CSMD1: variants seen among roughly 807,000 people sequenced by gnomAD.
CSMD1 encodes the protein CUB and Sushi multiple domains 1.
Under a neutral mutation model 417.5 loss-of-function variants are expected in CSMD1, and 213 were observed. The ratio of observed to expected loss-of-function variants is 0.51; its 90% confidence interval spans 0.46 to 0.57. The LOEUF (loss-of-function observed/expected upper bound fraction) is 0.57, where lower values mean the gene tolerates loss of function less well. Ranked by LOEUF, CSMD1 falls within the 20% of genes least tolerant of loss-of-function variation. CSMD1 has a pLI of 0.00. For synonymous variants in CSMD1, 2,862 were observed against 1,736.8 expected, an observed-to-expected ratio of 1.65 and a Z score of -16.11; for missense variants, 6,923 against 4,529.7, an observed-to-expected ratio of 1.53 and a Z score of -15.17.
chr8:4,625,030 C>T (rs373171357), intron 2 of CSMD1, among the ~76,000 whole-genome samples: 6 of 152,224 alleles, frequency 3.9e-5, no homozygotes, highest in South Asian at 4.1e-4. Context: ...CCATAGAGAT[C>T]ATGAGAAACC....
At chr8:4,150,703 G>T (rs771831412) in intron 3 of CSMD1, among the ~76,000 whole-genome samples, 7 of 152,108 alleles carry the variant, frequency 4.6e-5, no homozygotes, top group Non-Finnish European at 1.0e-4. Context: ...AGAACCTTAG[G>T]GTGTGGAAAG....
chr8:4,197,607 G>A (rs1171640137), intron 3 of CSMD1, among the ~76,000 whole-genome samples: 2 of 152,180 alleles, frequency 1.3e-5, no homozygotes, highest in Non-Finnish European at 2.9e-5. Context: ...AGCTGGACAT[G>A]GTGGCTCATG....
chr8:3,783,917 T>TAC (rs1287324276), intron 5 of CSMD1, among the ~76,000 whole-genome samples: 2 of 684 alleles, frequency 2.9e-3, no homozygotes, highest in East Asian at 0.1. Flanking sequence ...GGAGCTGGGC[T>TAC]GCAGTTTGAA....
In CSMD1 at chr8:4,234,640, T is replaced by C. The variant is rs566318803; in HGVS notation, c.415+185313A>G. Among the ~76,000 whole-genome samples, 284 of 152,292 alleles carry C rather than the reference T, an allele frequency of 1.9e-3. 2 individuals are homozygous for C. Among genetic ancestry groups the C allele is most frequent in the African/African-American group, 6.5e-3 (269 of 41,560 alleles). On this transcript the variant is annotated intron_variant, in intron 3 of 69. Transcript: ENST00000635120. ...CCATTTTATTCTAGGACATGGAAGA[T>C]TGCACCTGACGAATAGATGGCAGGT...
chr8:4,176,962 C>G lies in CSMD1; in HGVS notation c.416-144863G>C, dbSNP rs1392238362. Among the ~76,000 whole-genome samples the G allele has an allele frequency of 2.0e-5, 3 of 151,732 alleles. No individual in the cohort carries two copies. The East Asian group carries it at 5.8e-4, about 29-fold the overall frequency. Reference sequence around the variant, plus strand: ...TCAGTGACCTACAAAGAGACTTAGACTCCCACACAATAAAAATGGGAGACT... The same window carrying G: ...TCAGTGACCTACAAAGAGACTTAGAGTCCCACACAATAAAAATGGGAGACT... On this transcript the variant is annotated intron_variant, in intron 3 of 69. Transcript: ENST00000635120.
At chr8:4,634,342 T>C (rs1363825869) in intron 2 of CSMD1, among the ~76,000 whole-genome samples, 1 of 152,226 alleles carries the variant, frequency 6.6e-6, no homozygotes, top group African/African-American at 2.4e-5. Context: ...TATTCTGTTT[T>C]GTCAGCTGGG....
At chr8:4,039,563 G>A (rs1008875280) in intron 3 of CSMD1, among the ~76,000 whole-genome samples, 23 of 152,150 alleles carry the variant, frequency 1.5e-4, no homozygotes, top group African/African-American at 5.6e-4. Flanking sequence ...CCCAGGAGGT[G>A]GCAGTCATTG....
In CSMD1 at chr8:2,981,356, T is replaced by G. The variant is rs531573938; in HGVS notation, c.8378-2556A>C. Among the ~76,000 whole-genome samples the G allele has an allele frequency of 1.6e-4, 25 of 152,312 alleles. 1 individual carries two copies. Among genetic ancestry groups the G allele is most frequent in the Admixed American group, 1.6e-3 (25 of 15,304 alleles). On this transcript the variant is annotated intron_variant, in intron 54 of 69. Coordinates refer to ENST00000635120, the MANE Select transcript of CSMD1 (RefSeq NM_033225.6). The stretch of plus-strand genomic sequence containing the variant: ...GTGAGTGACAGGTGAGCTATTGGTT[T>G]GTAAACTAGAAGGAGAAATGGCCAG...
chr8:4,899,176 A>G (rs1804700005), intron 1 of CSMD1, among the ~76,000 whole-genome samples: 1 of 152,232 alleles, frequency 6.6e-6, no homozygotes, highest in South Asian at 2.1e-4. Flanking sequence ...AACTGCATTT[A>G]TATGTGTGGG....
In CSMD1 at chr8:3,079,291, T is replaced by C. The variant is rs189662761; in HGVS notation, c.7474+7806A>G. ...TTTACAATCTGGCTGACATAATGCC[T>C]ACAACCTATATAAAAGTGTGTGTCT... On this transcript the variant is annotated intron_variant, in intron 49 of 69. Coordinates refer to ENST00000635120, the MANE Select transcript of CSMD1 (RefSeq NM_033225.6). Among the ~76,000 whole-genome samples, 3 of 152,330 alleles carry C rather than the reference T, an allele frequency of 2.0e-5. No homozygotes were observed. In the South Asian group the frequency reaches 6.2e-4, roughly 32 times the overall value.
chr8:4,246,912 A>C (rs894488124), intron 3 of CSMD1, among the ~76,000 whole-genome samples: 2 of 152,218 alleles, frequency 1.3e-5, no homozygotes, highest in Non-Finnish European at 2.9e-5. Context: ...ATGTTTCTTC[A>C]AAAAATCTTT....
At chr8:4,741,509 A>T (rs1810603185) in intron 1 of CSMD1, among the ~76,000 whole-genome samples, 1 of 152,228 alleles carries the variant, frequency 6.6e-6, no homozygotes, top group Non-Finnish European at 1.5e-5. Context: ...ATCCGTAAGC[A>T]TGATCAAAAC....
rs79983539 is a variant in CSMD1 at position 3,446,934 on chromosome 8, A to C, written c.1561+21778T>G. Among the ~76,000 whole-genome samples the C allele has an allele frequency of 1.3e-3, 194 of 152,366 alleles. 3 individuals carry two copies. In the East Asian group the frequency reaches 0.036, roughly 28 times the overall value. The stretch of plus-strand genomic sequence containing the variant: ...TTGAGTTGGGGGAAGAAAGGAAATA[A>C]TTAGCATGTTGTCTGCTCACACATA... On this transcript the variant is annotated intron_variant, in intron 12 of 69. Coordinates refer to ENST00000635120, the MANE Select transcript of CSMD1 (RefSeq NM_033225.6).
intron 51 of CSMD1, among the ~76,000 whole-genome samples, chr8:3,023,954 T>C (rs1404632795): frequency 4.0e-5 from 6 of 151,326 alleles, no homozygotes; most frequent in Admixed American, 3.3e-4. Context: ...CAACAGAACA[T>C]AGAGAGTGAC....
chr8:3,297,924 A>G (rs79811820), intron 25 of CSMD1, among the ~76,000 whole-genome samples: 3,138 of 152,340 alleles, frequency 0.021, 42 homozygotes, highest in East Asian at 0.031. Flanking sequence ...TCAGTATAAA[A>G]AAATGGGCAA....
intron 3 of CSMD1, among the ~76,000 whole-genome samples, chr8:4,401,681 G>T (rs563195286): frequency 6.6e-6 from 1 of 152,114 alleles, no homozygotes; most frequent in South Asian, 2.1e-4. Flanking sequence ...CCAAATACCG[G>T]AAAAACTCAC....
At chr8:4,393,275 C>G (rs940002464) in intron 3 of CSMD1, among the ~76,000 whole-genome samples, 1 of 152,262 alleles carries the variant, frequency 6.6e-6, no homozygotes. Flanking sequence ...CCCACCTGGC[C>G]TACAAAGCAG....
intron 2 of CSMD1, among the ~76,000 whole-genome samples, chr8:4,615,058 T>C (rs914996155): frequency 3.9e-5 from 6 of 152,158 alleles, no homozygotes; most frequent in African/African-American, 1.4e-4. Context: ...AAAGGCTTCC[T>C]ATTTGTCTCA....
intron 2 of CSMD1, among the ~76,000 whole-genome samples, chr8:4,580,585 C>T (rs530844720): frequency 6.6e-6 from 1 of 152,266 alleles, no homozygotes; most frequent in Non-Finnish European, 1.5e-5. Context: ...CCTTTCTCCT[C>T]TTCCATCTCA....
Sources: allele counts gnomAD v4.1 joint callset (sites outside exome capture counted in the v4.1 genomes callset), GRCh38; gene constraint gnomAD v4.1.1; transcripts MANE v1.5; gene names NCBI Gene and HGNC (gene_info 2026-07-23, HGNC 2026-07-21).